The following CMIP variants were observed in gnomAD, a reference collection of about 807,000 sequenced individuals.
CMIP encodes c-Maf inducing protein, also known as C-Maf-inducing protein.
CMIP carries 13 observed loss-of-function variants against 97.3 expected under a neutral mutation model. The observed-to-expected ratio is 0.13, with a 90% CI of 0.09 to 0.21. The LOEUF is 0.21. Among genes scored for constraint, CMIP ranks in the 10% least tolerant of loss-of-function variants. The pLI is 1.00. For synonymous variants in CMIP, 538 were observed against 436.3 expected, an observed-to-expected ratio of 1.23 and a Z score of -2.91; for missense variants, 847 against 1,024.9, an observed-to-expected ratio of 0.83 and a Z score of 2.37.
chr16:81,696,991 A>T (rs1249086693), intron 14 of CMIP: 2 of 385,098 alleles, frequency 5.2e-6, no homozygotes, highest in Admixed American at 8.7e-5. Flanking sequence ...GCCTAAGGTC[A>T]CACAGTTCAT....
At chr16:81,455,759 C>T (rs1023895128) in intron 1 of CMIP, among the ~76,000 whole-genome samples, 1 of 152,166 alleles carries the variant, frequency 6.6e-6, no homozygotes, top group Non-Finnish European at 1.5e-5. Context: ...GTGGGCTTTC[C>T]ACTAGAGACC....
chr16:81,527,893 T>C (rs541863998), intron 1 of CMIP, among the ~76,000 whole-genome samples: 2 of 152,356 alleles, frequency 1.3e-5, no homozygotes, highest in East Asian at 3.9e-4. Flanking sequence ...GGAAGTCTCT[T>C]GCGTATGCCT....
At chr16:81,706,239 G>A (rs1239971992) in intron 19 of CMIP, among the ~76,000 whole-genome samples, 3 of 152,364 alleles carry the variant, frequency 2.0e-5, no homozygotes, top group Non-Finnish European at 4.4e-5. Context: ...GGGAAGACCC[G>A]TGGCTCAGTG....
At chr16:81,481,186 G>A (rs1234137481) in intron 1 of CMIP, among the ~76,000 whole-genome samples, 1 of 152,184 alleles carries the variant, frequency 6.6e-6, no homozygotes, top group Non-Finnish European at 1.5e-5. Flanking sequence ...GGCGCCGTCT[G>A]GGGCTCTTAG....
chr16:81,506,166 C>G (rs538124838), intron 1 of CMIP, among the ~76,000 whole-genome samples: 5 of 152,166 alleles, frequency 3.3e-5, no homozygotes, highest in African/African-American at 4.8e-5. Context: ...AACCAAGGCT[C>G]GGAGAGGTTA....
At chr16:81,669,076 C>T (rs2092647657) in intron 7 of CMIP, among the ~76,000 whole-genome samples, 1 of 141,516 alleles carries the variant, frequency 7.1e-6, no homozygotes, top group Non-Finnish European at 1.5e-5. Context: ...TCACACTCAC[C>T]TCCTTCCACA....
intron 1 of CMIP, among the ~76,000 whole-genome samples, chr16:81,554,506 C>T (rs1483487921): frequency 6.6e-6 from 1 of 152,234 alleles, no homozygotes; most frequent in African/African-American, 2.4e-5. Context: ...CCGTTCACAA[C>T]ACACCTCCAG....
chr16:81,633,167 TA>T (rs1722333071), intron 3 of CMIP, among the ~76,000 whole-genome samples: 1 of 152,236 alleles, frequency 6.6e-6, no homozygotes, highest in Admixed American at 6.5e-5. Context: ...GACAAGTTTT[TA>T]AAACGTAAAT....
intron 3 of CMIP, among the ~76,000 whole-genome samples, chr16:81,637,605 G>C (rs930494530): frequency 6.6e-6 from 1 of 152,124 alleles, no homozygotes; most frequent in Admixed American, 6.5e-5. Context: ...TTCAAGTGTA[G>C]ATCTGCCCGA....
At position 81,691,782 on chromosome 16, in the gene CMIP, T is replaced by C; in HGVS notation, c.1396T>C (p.Tyr466His). 2.5e-6 allele frequency: 4 copies of C among 1,613,840 alleles called. No homozygotes were observed. Among genetic ancestry groups the C allele is most frequent in the South Asian group, 1.1e-5 (1 of 91,036 alleles). The change falls in exon 11 of 21, where the codon TAT becomes CAT. Residue 466 changes from tyrosine to histidine, a missense_variant. This residue lies in a region of CMIP where 202 missense variants were observed against 168.7 expected (regional missense o/e 1.20). Coordinates refer to ENST00000537098, the MANE Select transcript of CMIP (RefSeq NM_198390.3). Reference sequence around the variant, plus strand: ...CACCCTCTCTCATTCTAGGTCAGACTATGATGACTGGAGACCGTCTCTGGC... The same window carrying C: ...CACCCTCTCTCATTCTAGGTCAGACCATGATGACTGGAGACCGTCTCTGGC... ...YVEILKLLSD[Y>H]DDWRPSLASL...
intron 1 of CMIP, among the ~76,000 whole-genome samples, chr16:81,452,386 C>G (rs1324669048): frequency 6.6e-6 from 1 of 152,122 alleles, no homozygotes; most frequent in Admixed American, 6.5e-5. Flanking sequence ...GCTTTCATGC[C>G]TCCATTCAGC....
chr16:81,679,870 ACT>A (rs1904691173), intron 10 of CMIP, among the ~76,000 whole-genome samples: 1 of 152,046 alleles, frequency 6.6e-6, no homozygotes, highest in African/African-American at 2.4e-5. Context: ...GATCTCATTG[ACT>A]GTTCCCTTCT....
At chr16:81,703,836 T>C (rs573323240) in intron 17 of CMIP, 103 bp from the exon 18 acceptor site, 6 of 1,425,488 alleles carry the variant, frequency 4.2e-6, no homozygotes, top group East Asian at 5.2e-5. Context: ...CAGGAACAGC[T>C]CTCTGTAGGG....
intron 1 of CMIP, among the ~76,000 whole-genome samples, chr16:81,560,223 G>GTT (rs758040541): frequency 1.8e-5 from 2 of 108,476 alleles, no homozygotes; most frequent in Admixed American, 9.0e-5. Flanking sequence ...GTTTTGTTTT[G>GTT]TTTTTTTTTT....
At chr16:81,576,913 T>C (rs2150897891) in intron 1 of CMIP, among the ~76,000 whole-genome samples, 1 of 152,144 alleles carries the variant, frequency 6.6e-6, no homozygotes, top group South Asian at 2.1e-4. Context: ...GCTGCTCTGA[T>C]CACATCATCA....
intron 3 of CMIP, among the ~76,000 whole-genome samples, chr16:81,646,504 A>G (rs1567631532): frequency 6.6e-6 from 1 of 152,230 alleles, no homozygotes; most frequent in Non-Finnish European, 1.5e-5. Context: ...TCCACATACC[A>G]TAAAATTCAC....
chr16:81,616,095 T>A lies in CMIP; in HGVS notation c.427-4781T>A, dbSNP rs181673069. Among the ~76,000 whole-genome samples the A allele has an allele frequency of 6.6e-6, 1 of 151,528 alleles. No homozygotes were observed. Among genetic ancestry groups the A allele is most frequent in the East Asian group, 1.9e-4 (1 of 5,162 alleles). ...GCGCAGGAGAGTTCCGCATCGAGAC[T>A]GTCCTCAGCCCGGCATCTCTGTGCC... On this transcript the variant is annotated intron_variant, in intron 2 of 20. Coordinates refer to ENST00000537098, the MANE Select transcript of CMIP (RefSeq NM_198390.3). The surrounding 1 kb of genome is among the most constrained non-coding windows in gnomAD (Gnocchi z 4.7).
chr16:81,709,252 T>C (rs1176341428), intron 20 of CMIP, among the ~76,000 whole-genome samples: 1 of 152,150 alleles, frequency 6.6e-6, no homozygotes, highest in East Asian at 1.9e-4. Flanking sequence ...CTGATAACGA[T>C]GAGAATATCA....
intron 1 of CMIP, chr16:81,518,879 C>G (rs2089967563): frequency 6.6e-6 from 1 of 150,452 alleles, no homozygotes; most frequent in South Asian, 2.1e-4. Context: ...CTCTGTTGCC[C>G]AGGCTGGAGT....
Sources: allele counts gnomAD v4.1 joint callset (sites outside exome capture counted in the v4.1 genomes callset), GRCh38; gene constraint gnomAD v4.1.1; regional missense constraint gnomAD v4.1.1; non-coding constraint Gnocchi (gnomAD v3.1); transcripts MANE v1.5; gene names NCBI Gene and HGNC (gene_info 2026-07-23, HGNC 2026-07-21).